The following PEX5L variants were observed in gnomAD, a reference collection of about 807,000 sequenced individuals.
The protein encoded by PEX5L is peroxisomal biogenesis factor 5 like.
In PEX5L, 30 loss-of-function variants were observed where a neutral mutation model predicts 84.0. That is an observed-to-expected ratio of 0.36 (90% CI 0.27 to 0.48). The LOEUF (loss-of-function observed/expected upper bound fraction) is 0.48, where lower values mean the gene tolerates loss of function less well. Among genes scored for constraint, PEX5L ranks in the 20% least tolerant of loss-of-function variants. PEX5L has a pLI of 0.99. For synonymous variants in PEX5L, 270 were observed against 283.1 expected, an observed-to-expected ratio of 0.95 and a Z score of 0.46; for missense variants, 533 against 754.6, an observed-to-expected ratio of 0.71 and a Z score of 3.44.
intron 3 of PEX5L, among the ~76,000 whole-genome samples, chr3:179,893,063 CTTG>C (rs774014054): frequency 7.9e-5 from 12 of 152,120 alleles, no homozygotes. Flanking sequence ...CATGTAGGGG[CTTG>C]TTGTCAATCA....
chr3:179,920,324 C>A (rs1049820799), intron 2 of PEX5L, among the ~76,000 whole-genome samples: 1 of 152,144 alleles, frequency 6.6e-6, no homozygotes, highest in African/African-American at 2.4e-5. Context: ...CTTTCTTTCC[C>A]TTCTCAATTT....
intron 2 of PEX5L, among the ~76,000 whole-genome samples, chr3:179,957,664 C>T (rs763850966): frequency 6.6e-6 from 1 of 152,218 alleles, no homozygotes; most frequent in Non-Finnish European, 1.5e-5. Flanking sequence ...TCAACAAATA[C>T]TGAAGTGACA....
intron 2 of PEX5L, among the ~76,000 whole-genome samples, chr3:179,947,622 C>G (rs540802913): frequency 6.6e-6 from 1 of 151,502 alleles, no homozygotes; most frequent in Non-Finnish European, 1.5e-5. Flanking sequence ...ATAGTACTGA[C>G]GCAAAGTAAA....
intron 2 of PEX5L, among the ~76,000 whole-genome samples, chr3:179,965,593 C>T (rs945760510): frequency 6.6e-5 from 10 of 152,140 alleles, no homozygotes; most frequent in Admixed American, 2.0e-4. Context: ...TGGCTTTATA[C>T]CACCAGACTT....
In PEX5L at chr3:179,856,712, A is replaced by T. The variant is rs376523026; in HGVS notation, c.822+2350T>A. Reference sequence around the variant, plus strand: ...CGCATTCACACACTTTTTTCTCCACACCTGTTCACACCTTCTGGTGGGCAC... The same window carrying T: ...CGCATTCACACACTTTTTTCTCCACTCCTGTTCACACCTTCTGGTGGGCAC... On this transcript the variant is annotated intron_variant, in intron 8 of 14. Transcript: ENST00000467460. Among the ~76,000 whole-genome samples the T allele has an allele frequency of 5.3e-5, 8 of 152,252 alleles. No homozygotes were observed. The East Asian group carries it at 1.3e-3, about 26-fold the overall frequency.
At position 179,797,041 on chromosome 3, in the gene PEX5L, A is replaced by AAACT. The variant is rs1167726678; in HGVS notation, c.*4783_*4786dup. 6.6e-6 allele frequency: 1 copy of AAACT among 152,206 alleles called. No individual in the cohort carries two copies. The highest frequency in any genetic ancestry group is 1.5e-5 in the Non-Finnish European group (1 of 68,028). The allele number at this position is 152,206 out of a possible 1,614,324, so 9.4% of individuals were successfully genotyped here. A position where few individuals can be genotyped will look rare whatever the true frequency, so the allele number is the denominator to read the frequency against. On this transcript the variant is annotated 3_prime_UTR_variant, in exon 15 of 15. Transcript: ENST00000467460. Reference sequence around the variant, plus strand: ...ATATCAGTTTTTCTAATTTATTCCCAAACTTTTAGAAAAATTTTGAAATGC... The same window carrying AAACT: ...ATATCAGTTTTTCTAATTTATTCCCAAACTAACTTTTAGAAAAATTTTGAAATGC...
chr3:179,903,095 C>A (rs1026552577), intron 2 of PEX5L, among the ~76,000 whole-genome samples: 8 of 152,058 alleles, frequency 5.3e-5, no homozygotes, highest in African/African-American at 1.9e-4. Flanking sequence ...AGCAATTAAA[C>A]AATTTTTTAG....
chr3:179,826,404 G>C (rs770104398), intron 8 of PEX5L, among the ~76,000 whole-genome samples: 4 of 152,200 alleles, frequency 2.6e-5, no homozygotes, highest in Non-Finnish European at 5.9e-5. Flanking sequence ...AATTTCACAT[G>C]ATTATATCTG....
chr3:179,832,060 A>G (rs1733197811), intron 8 of PEX5L, among the ~76,000 whole-genome samples: 2 of 152,174 alleles, frequency 1.3e-5, no homozygotes, highest in Admixed American at 6.5e-5. Context: ...CTCCACACCG[A>G]AGACAGCAAC....
At chr3:180,029,978 T>C (rs1396404423) in intron 1 of PEX5L, among the ~76,000 whole-genome samples, 2 of 152,190 alleles carry the variant, frequency 1.3e-5, no homozygotes, top group Non-Finnish European at 2.9e-5. Flanking sequence ...CATGGTGTTT[T>C]AATTTTTCTT....
At position 180,022,032 on chromosome 3, in the gene PEX5L, T is replaced by G. The variant is rs147236696; in HGVS notation, c.21+14547A>C. On this transcript the variant is annotated intron_variant, in intron 1 of 14. Coordinates refer to ENST00000467460, the MANE Select transcript of PEX5L (RefSeq NM_016559.3). ...TTTAATTTCTATTACTTATTGATTC[T>G]GAAACCAGAATATAATCACATGAAT... is the stretch of plus-strand genomic sequence containing the variant. Among the ~76,000 whole-genome samples the G allele has an allele frequency of 4.3e-3, 656 of 152,288 alleles. 3 individuals carry two copies. The highest frequency in any genetic ancestry group is 0.015 in the African/African-American group (619 of 41,546).
chr3:179,972,061 A>C (rs933783023), intron 1 of PEX5L, among the ~76,000 whole-genome samples: 8 of 152,110 alleles, frequency 5.3e-5, no homozygotes, highest in African/African-American at 1.9e-4. Flanking sequence ...CAACTATTCA[A>C]TGTTTTGTTT....
At chr3:179,876,404 G>A (rs1560498507) in intron 5 of PEX5L, among the ~76,000 whole-genome samples, 1 of 151,980 alleles carries the variant, frequency 6.6e-6, no homozygotes, top group Non-Finnish European at 1.5e-5. Flanking sequence ...GGCTGAAGCA[G>A]GAGAATTGCT....
chr3:179,835,410 A>C (rs1366156367), intron 8 of PEX5L, among the ~76,000 whole-genome samples: 1 of 152,024 alleles, frequency 6.6e-6, no homozygotes, highest in Admixed American at 6.6e-5. Context: ...TTGAATGTTC[A>C]CAGAGATGTG....
chr3:179,947,474 C>T (rs539613120), intron 2 of PEX5L, among the ~76,000 whole-genome samples: 142 of 152,112 alleles, frequency 9.3e-4, no homozygotes, highest in African/African-American at 3.3e-3. Flanking sequence ...GCTTAAGGAA[C>T]TTAACCATAA....
chr3:179,856,053 T>C (rs1293879909), intron 8 of PEX5L, among the ~76,000 whole-genome samples: 1 of 152,238 alleles, frequency 6.6e-6, no homozygotes, highest in Non-Finnish European at 1.5e-5. Context: ...TTTTTCAACT[T>C]GCTAGTTGAC....
At chr3:179,818,072 T>C (rs960738101) in intron 9 of PEX5L, among the ~76,000 whole-genome samples, 18 of 152,168 alleles carry the variant, frequency 1.2e-4, no homozygotes, top group Non-Finnish European at 2.4e-4. Context: ...ACTATGTAGA[T>C]TGCAGATCTA....
chr3:180,006,834 C>A (rs1015336667), intron 1 of PEX5L, among the ~76,000 whole-genome samples: 11 of 152,180 alleles, frequency 7.2e-5, no homozygotes, highest in Non-Finnish European at 1.3e-4. Flanking sequence ...GATTCACTTA[C>A]CTCCCCTTGG....
intron 4 of PEX5L, among the ~76,000 whole-genome samples, chr3:179,884,367 A>G (rs1018344387): frequency 1.3e-5 from 2 of 152,228 alleles, no homozygotes; most frequent in African/African-American, 4.8e-5. Context: ...AGAGAAGGAC[A>G]TGGAGACCAA....
Sources: gnomAD v4.1 joint callset for allele counts (sites outside exome capture counted in the v4.1 genomes callset) on GRCh38, gnomAD v4.1.1 for gene constraint, MANE v1.5 for transcripts, NCBI Gene and HGNC (gene_info 2026-07-23, HGNC 2026-07-21) for gene names.